The following EDIL3 variants were observed in gnomAD, a reference collection of about 807,000 sequenced individuals.
The protein encoded by EDIL3 is EGF like and discoidin domains 3.
In EDIL3, 37 loss-of-function variants were observed where a neutral mutation model predicts 67.4. That is an observed-to-expected ratio of 0.55 (90% CI 0.42 to 0.72). The LOEUF (loss-of-function observed/expected upper bound fraction) is 0.72, where lower values mean the gene tolerates loss of function less well. Among genes scored for constraint, EDIL3 ranks in the 30% least tolerant of loss-of-function variants. The pLI, the probability that EDIL3 is intolerant of heterozygous loss-of-function variation, is 0.00. For missense variants in EDIL3, 527 were observed against 586.3 expected (o/e 0.90, Z 1.04); for synonymous variants, 195 against 196.3 (o/e 0.99, Z 0.05).
At chr5:84,114,966 A>G (rs348894) in intron 5 of EDIL3, among the ~76,000 whole-genome samples, 46,615 of 152,060 alleles carry the variant, frequency 0.31, 7,720 homozygotes, top group Non-Finnish European at 0.37. Flanking sequence ...TGCCTTTTGC[A>G]TTATTTAGGT....
At chr5:84,284,008 C>T (rs190735302) in intron 1 of EDIL3, among the ~76,000 whole-genome samples, 2 of 152,140 alleles carry the variant, frequency 1.3e-5, no homozygotes, top group African/African-American at 4.8e-5. Flanking sequence ...CCTAAAACAT[C>T]CTGGTACCTA....
intron 6 of EDIL3, among the ~76,000 whole-genome samples, chr5:84,083,730 T>G (rs181168488): frequency 8.5e-5 from 13 of 152,308 alleles, no homozygotes; most frequent in Non-Finnish European, 1.8e-4. Flanking sequence ...CCTTTGGTTG[T>G]TTGTTATCAT....
chr5:84,176,206 T>TATATATATATATATATATATATATA (rs1748906426), intron 4 of EDIL3, among the ~76,000 whole-genome samples: 1 of 31,562 alleles, frequency 3.2e-5, no homozygotes, highest in African/African-American at 9.5e-5. Flanking sequence ...ATAATATATA[T>TATATATATATATATATATATATATA]ATATATATAT....
At chr5:83,965,186 T>C (rs957382602) in intron 9 of EDIL3, among the ~76,000 whole-genome samples, 12 of 152,102 alleles carry the variant, frequency 7.9e-5, no homozygotes, top group African/African-American at 2.4e-4. Context: ...CAATGATTTC[T>C]TTCCACTCTC....
chr5:84,268,784 T>C (rs986833402), intron 1 of EDIL3, among the ~76,000 whole-genome samples: 3 of 152,298 alleles, frequency 2.0e-5, no homozygotes, highest in Admixed American at 1.3e-4. Context: ...CATTATAAAA[T>C]TCAATACATC....
chr5:84,179,652 C>T (rs1176145054), intron 4 of EDIL3, among the ~76,000 whole-genome samples: 1 of 152,108 alleles, frequency 6.6e-6, no homozygotes, highest in Non-Finnish European at 1.5e-5. Context: ...ATGTGTCATT[C>T]CCCTGTCTCT....
intron 1 of EDIL3, among the ~76,000 whole-genome samples, chr5:84,317,412 A>G (rs1362966210): frequency 1.3e-5 from 2 of 152,208 alleles, no homozygotes; most frequent in Admixed American, 6.5e-5. Flanking sequence ...GATGAAATAA[A>G]AAATGATAAA....
chr5:84,064,807 G>C lies in EDIL3; in HGVS notation c.845C>G (p.Ala282Gly), dbSNP rs1408446705. The C allele has an allele frequency of 1.1e-5, 17 of 1,613,538 alleles. No individual in the cohort carries two copies. Among genetic ancestry groups the C allele is most frequent in the Non-Finnish European group, 1.4e-5 (16 of 1,179,672 alleles). The change falls in exon 8 of 11, where the codon GCT becomes GGT. Residue 282 changes from alanine (A) to glycine (G), a missense_variant. This residue lies in a region of EDIL3 where 494 missense variants were observed against 522.5 expected (regional missense o/e 0.95). Coordinates refer to ENST00000296591, the MANE Select transcript of EDIL3 (RefSeq NM_005711.5). ...TTTTATGGGGGGTGTGAAAGAGTTA[G>C]CATATGGAGTGTTGTTATCAATGTT... ...RGNIDNNTPY[A>G]NSFTPPIKAQ... is the part of the protein sequence containing the mutation.
intron 1 of EDIL3, among the ~76,000 whole-genome samples, chr5:84,312,377 G>A (rs1212442162): frequency 1.5e-5 from 2 of 129,828 alleles, no homozygotes; most frequent in African/African-American, 5.8e-5. Flanking sequence ...CTGGCCGGGC[G>A]GGGGGCTGAC....
intron 1 of EDIL3, among the ~76,000 whole-genome samples, chr5:84,368,278 A>T (rs1241091789): frequency 6.6e-6 from 1 of 152,168 alleles, no homozygotes; most frequent in African/African-American, 2.4e-5. Flanking sequence ...ACATAGAAAC[A>T]AATGGAATAG....
intron 6 of EDIL3, among the ~76,000 whole-genome samples, chr5:84,074,589 C>G (rs1752467277): frequency 6.6e-6 from 1 of 151,960 alleles, no homozygotes; most frequent in South Asian, 2.1e-4. Context: ...CCAAAAGACA[C>G]ATGAAAAAAT....
chr5:83,955,390 A>G lies in EDIL3; in HGVS notation c.1293+7815T>C, dbSNP rs528201077. Reference sequence around the variant, plus strand: ...AATACTGCTATGTAACATATTCCTTATGTTTTCACACATATTTTTTCCTTT... The same window carrying G: ...AATACTGCTATGTAACATATTCCTTGTGTTTTCACACATATTTTTTCCTTT... On this transcript the variant is annotated intron_variant, in intron 10 of 10. Coordinates refer to ENST00000296591, the MANE Select transcript of EDIL3 (RefSeq NM_005711.5). Among the ~76,000 whole-genome samples, 88 of 146,974 alleles carry G rather than the reference A, an allele frequency of 6.0e-4. 1 individual carries two copies. Among genetic ancestry groups the G allele is most frequent in the Middle Eastern group, 3.4e-3 (1 of 290 alleles).
chr5:84,050,703 G>A (rs145252895), intron 9 of EDIL3, among the ~76,000 whole-genome samples: 2,347 of 152,342 alleles, frequency 0.015, 28 homozygotes, highest in Non-Finnish European at 0.024. Flanking sequence ...CGCCCACAGA[G>A]CCTCGCTCAT....
At chr5:84,263,987 C>T (rs752642713) in intron 1 of EDIL3, among the ~76,000 whole-genome samples, 3 of 152,138 alleles carry the variant, frequency 2.0e-5, no homozygotes, top group Non-Finnish European at 4.4e-5. Context: ...TGCCTGTAAT[C>T]CTAGCACTTT....
intron 6 of EDIL3, among the ~76,000 whole-genome samples, chr5:84,098,336 G>A (rs553733842): frequency 5.9e-5 from 9 of 152,002 alleles, no homozygotes; most frequent in East Asian, 3.9e-4. Context: ...GAGTTTAAGC[G>A]AAGTACTCAA....
At chr5:84,046,882 A>G (rs1746234160) in intron 9 of EDIL3, among the ~76,000 whole-genome samples, 1 of 152,178 alleles carries the variant, frequency 6.6e-6, no homozygotes, top group Non-Finnish European at 1.5e-5. Flanking sequence ...TGGTTTTTCA[A>G]TGGTTTCAAT....
intron 5 of EDIL3, among the ~76,000 whole-genome samples, chr5:84,112,997 A>AT (rs890189944): frequency 2.0e-5 from 3 of 152,030 alleles, no homozygotes; most frequent in East Asian, 1.9e-4. Flanking sequence ...TTCTTTAGAA[A>AT]TTTTTTTTAT....
chr5:84,330,623 G>T (rs1330537585), intron 1 of EDIL3, among the ~76,000 whole-genome samples: 1 of 152,034 alleles, frequency 6.6e-6, no homozygotes, highest in African/African-American at 2.4e-5. Context: ...GGAGATAAAT[G>T]ATCAATAAAA....
At chr5:84,106,381 G>A (rs1244641164) in intron 6 of EDIL3, among the ~76,000 whole-genome samples, 1 of 151,956 alleles carries the variant, frequency 6.6e-6, no homozygotes, top group Non-Finnish European at 1.5e-5. Context: ...TATACAGAAA[G>A]TCTCCTGCTT....
Sources: allele counts gnomAD v4.1 joint callset (sites outside exome capture counted in the v4.1 genomes callset), GRCh38; gene constraint gnomAD v4.1.1; regional missense constraint gnomAD v4.1.1; transcripts MANE v1.5; gene names NCBI Gene and HGNC (gene_info 2026-07-23, HGNC 2026-07-21).